COL11A1: variants seen among roughly 807,000 people sequenced by gnomAD.
The protein encoded by COL11A1 is collagen alpha-1(XI) chain.
Under a neutral mutation model 265.2 loss-of-function variants are expected in COL11A1, and 74 were observed. The observed-to-expected ratio is 0.28, with a 90% CI of 0.23 to 0.34. The LOEUF (loss-of-function observed/expected upper bound fraction) is 0.34. COL11A1 is among the 10% of genes least tolerant of loss of function. The probability of loss-of-function intolerance (pLI) is 1.00; values close to 1 mark genes in which losing one functional copy is unlikely to be tolerated. For synonymous variants in COL11A1, 816 were observed against 727.6 expected, an observed-to-expected ratio of 1.12 and a Z score of -1.96; for missense variants, 2,165 against 2,263.6, an observed-to-expected ratio of 0.96 and a Z score of 0.88.
intron 1 of COL11A1, among the ~76,000 whole-genome samples, chr1:103,092,367 G>A: frequency 6.6e-6 from 1 of 152,126 alleles, no homozygotes; most frequent in Middle Eastern, 3.4e-3. Flanking sequence ...TGTCATGAAT[G>A]CACAAAATAT....
intron 57 of COL11A1, among the ~76,000 whole-genome samples, chr1:102,895,501 A>G (rs1652305882): frequency 1.3e-5 from 2 of 152,166 alleles, no homozygotes; most frequent in Non-Finnish European, 2.9e-5. Flanking sequence ...GTACTTGTGG[A>G]ACTCCAATGA....
intron 4 of COL11A1, among the ~76,000 whole-genome samples, chr1:103,053,953 A>T (rs1172098079): frequency 6.6e-6 from 1 of 152,182 alleles, no homozygotes; most frequent in Non-Finnish European, 1.5e-5. Context: ...AAGAAATTCA[A>T]CATGTTTGTG....
In COL11A1 at chr1:103,097,465, G is replaced by A. The variant is rs1275980130; in HGVS notation, c.106+10608C>T. ...AATGCTCAATTGGTACTTTCTCAGG[G>A]AAGTTTTCTTCGACTTTACTAAACT... On this transcript the variant is annotated intron_variant, in intron 1 of 66. Transcript: ENST00000370096. Among the ~76,000 whole-genome samples, 4 of 151,288 alleles carry A rather than the reference G, an allele frequency of 2.6e-5. No individual in the cohort carries two copies. The East Asian group carries it at 7.7e-4, about 29-fold the overall frequency.
chr1:103,081,179 G>C (rs1672383379), intron 2 of COL11A1, among the ~76,000 whole-genome samples: 1 of 151,696 alleles, frequency 6.6e-6, no homozygotes, highest in South Asian at 2.1e-4. Flanking sequence ...TTTAAAATTA[G>C]TTATATAAAA....
intron 53 of COL11A1, among the ~76,000 whole-genome samples, chr1:102,913,181 G>C (rs1654896865): frequency 6.6e-6 from 1 of 151,968 alleles, no homozygotes; most frequent in Non-Finnish European, 1.5e-5. Flanking sequence ...ACTAAATGTG[G>C]TCAAAGTACA....
In COL11A1 at chr1:102,886,960, T is replaced by C; in HGVS notation, c.4705A>G (p.Ile1569Val). ...TCCATTCCATCCGAGTAATCAAGAATATTATCATCTGCATCTGCTTGCATG... is the reference window on the plus strand; with the variant it reads ...TCCATTCCATCCGAGTAATCAAGAACATTATCATCTGCATCTGCTTGCATG... ...EGMQADADDN[I>V]LDYSDGMEEI... is the part of the protein sequence containing the mutation. The change falls in exon 63 of 67, where the codon ATT (isoleucine) becomes GTT (valine). Residue 1569 changes from isoleucine to valine, a missense_variant. By Grantham distance (29) the Ile-to-Val change is conservative. Coordinates refer to ENST00000370096, the MANE Select transcript of COL11A1 (RefSeq NM_001854.4). The C allele has an allele frequency of 6.2e-7, 1 of 1,613,942 alleles. No homozygotes were observed.
intron 54 of COL11A1, among the ~76,000 whole-genome samples, chr1:102,910,032 C>A (rs962334924): frequency 6.6e-6 from 1 of 151,804 alleles, no homozygotes; most frequent in African/African-American, 2.4e-5. Flanking sequence ...AATAGCTTCA[C>A]ACAACAGTTT....
In COL11A1 at chr1:102,888,769, C is replaced by A; in HGVS notation, c.4519-11G>T. On this transcript the variant is annotated splice_polypyrimidine_tract_variant and intron_variant, in intron 60 of 66. Transcript: ENST00000370096. ...TGGGCCTTGAGGACCCTACAAAATG[C>A]AAATGCAAAAGCACAGATAAAAATC... 2 of 1,613,896 alleles carry A rather than the reference C, an allele frequency of 1.2e-6. No homozygotes were observed. The highest frequency in any genetic ancestry group is 1.7e-6 in the Non-Finnish European group (2 of 1,179,852).
chr1:103,102,490 G>A (rs1232428581), intron 1 of COL11A1, among the ~76,000 whole-genome samples: 1 of 151,974 alleles, frequency 6.6e-6, no homozygotes, highest in Non-Finnish European at 1.5e-5. Flanking sequence ...CCCAACTCAG[G>A]TCACATTTCC....
At chr1:102,962,551 C>T (rs1461656172) in intron 39 of COL11A1, 102 bp downstream of exon 39, 1 of 1,036,736 alleles carries the variant, frequency 9.6e-7, no homozygotes, top group Non-Finnish European at 1.5e-6. Flanking sequence ...CCTGACACAT[C>T]TTCTGACATT....
chr1:102,952,749 A>C, intron 41 of COL11A1, among the ~76,000 whole-genome samples: 1 of 152,226 alleles, frequency 6.6e-6, no homozygotes, highest in Non-Finnish European at 1.5e-5. Context: ...ATAAATGAAA[A>C]GTGAAAATCT....
intron 54 of COL11A1, among the ~76,000 whole-genome samples, chr1:102,907,436 C>T (rs1206766020): frequency 1.3e-5 from 2 of 152,030 alleles, no homozygotes; most frequent in African/African-American, 2.4e-5. Context: ...CCTAAATGCA[C>T]TACATAATAC....
chr1:103,069,205 T>TA (rs140204651), intron 4 of COL11A1, among the ~76,000 whole-genome samples: 13,997 of 151,270 alleles, frequency 0.093, 784 homozygotes, highest in South Asian at 0.13. Flanking sequence ...ATGGTAGTAG[T>TA]AAAAAAAATG....
chr1:102,918,280 A>G (rs1655582715), intron 49 of COL11A1, among the ~76,000 whole-genome samples: 1 of 151,838 alleles, frequency 6.6e-6, no homozygotes, highest in Non-Finnish European at 1.5e-5. Context: ...CTGTATGTAC[A>G]AAGTTATAAA....
At position 102,879,789 on chromosome 1, in the gene COL11A1, A is replaced by C. The variant is rs776889654; in HGVS notation, c.5168T>G (p.Val1723Gly). The change falls in exon 66 of 67, where the codon GTG becomes GGG. Residue 1723 changes from valine (V) to glycine (G), a missense_variant. Coordinates refer to ENST00000370096, the MANE Select transcript of COL11A1 (RefSeq NM_001854.4). ...HCHQSAAWYD[V>G]SSGSYDKALR... ...TGCTTTGTCATAACTTCCTGATGAC[A>C]CATCATACCAGGCTGCTGACTGATG... 1.2e-5 allele frequency: 20 copies of C among 1,613,872 alleles called. No individual in the cohort carries two copies. The highest frequency in any genetic ancestry group is 1.7e-5 in the Non-Finnish European group (20 of 1,179,902).
intron 64 of COL11A1, among the ~76,000 whole-genome samples, chr1:102,882,211 G>A (rs992942603): frequency 6.6e-6 from 1 of 152,114 alleles, no homozygotes; most frequent in Non-Finnish European, 1.5e-5. Context: ...TGTGTGAAAG[G>A]CACTGATTGG....
At chr1:102,978,181 C>A (rs962803386) in intron 35 of COL11A1, among the ~76,000 whole-genome samples, 3 of 152,054 alleles carry the variant, frequency 2.0e-5, no homozygotes, top group Non-Finnish European at 2.9e-5. Context: ...AAACAAAGGG[C>A]ATGCTTGTTC....
At chr1:103,060,166 T>C (rs1439249656) in intron 4 of COL11A1, among the ~76,000 whole-genome samples, 10 of 152,074 alleles carry the variant, frequency 6.6e-5, no homozygotes, top group African/African-American at 2.2e-4. Context: ...ATCTGACTTA[T>C]CAGAAATCAT....
intron 49 of COL11A1, among the ~76,000 whole-genome samples, chr1:102,919,652 A>G (rs1396729552): frequency 1.3e-5 from 2 of 151,996 alleles, no homozygotes; most frequent in African/African-American, 4.8e-5. Flanking sequence ...AGTGAGCATG[A>G]ATGCATAAAT....
Sources: gnomAD v4.1 joint callset for allele counts (sites outside exome capture counted in the v4.1 genomes callset) on GRCh38, gnomAD v4.1.1 for gene constraint, MANE v1.5 for transcripts, NCBI Gene and HGNC (gene_info 2026-07-23, HGNC 2026-07-21) for gene names.